EFHC1: variants seen among roughly 807,000 people sequenced by gnomAD.
The protein encoded by EFHC1 is EF-hand domain-containing protein 1.
A neutral mutation model predicts 69.9 loss-of-function variants in EFHC1; 53 were observed. The observed-to-expected ratio is 0.76, with a 90% confidence interval of 0.61 to 0.95. EFHC1 has a LOEUF of 0.95. EFHC1 is among the 40% of genes least tolerant of loss of function. EFHC1 has a pLI of 0.00. For missense variants in EFHC1, 739 were observed against 798.7 expected (o/e 0.93, Z 0.90); for synonymous variants, 256 against 278.4 (o/e 0.92, Z 0.80).
At chr6:52,474,632 T>C (rs931753333) in intron 7 of EFHC1, among the ~76,000 whole-genome samples, 4 of 152,242 alleles carry the variant, frequency 2.6e-5, no homozygotes, top group African/African-American at 9.6e-5. Flanking sequence ...AGTTGTGGTA[T>C]ATTTGTGTCA....
At position 52,454,453 on chromosome 6, in the gene EFHC1, C is replaced by T. The variant is rs614570; in HGVS notation, c.916+166C>T. 0.49 allele frequency among the ~76,000 whole-genome samples: 74,489 copies of T among 151,900 alleles called. 18,836 individuals are homozygous for T. Among genetic ancestry groups the T allele is most frequent in the African/African-American group, 0.61 (25,245 of 41,414 alleles). On this transcript the variant is annotated intron_variant, in intron 5 of 10. Transcript: ENST00000371068. ...CAGCTTTCCTCCTTTACTTGCCCCTCGGTCCAGGCGTGCCCCCAAGACAGT... is the reference window on the plus strand; with the variant it reads ...CAGCTTTCCTCCTTTACTTGCCCCTTGGTCCAGGCGTGCCCCCAAGACAGT...
In EFHC1 at chr6:52,493,780, T is replaced by A. The variant is rs1765974531; in HGVS notation, c.*1439T>A. ...TGGCTTTTTACAAACAGGGCTTCTC[T>A]TTGGTTGAAGTCAGCCACTAAGTTC... On this transcript the variant is annotated 3_prime_UTR_variant, in exon 11 of 11. Transcript: ENST00000371068. 2.2e-6 allele frequency: 1 copy of A among 453,988 alleles called. No homozygotes were observed. 28.1% of individuals were successfully genotyped at this position (453,988 alleles called of 1,614,324 possible).
intron 7 of EFHC1, among the ~76,000 whole-genome samples, chr6:52,476,050 AC>A (rs1353236732): frequency 1.3e-5 from 2 of 152,132 alleles, no homozygotes; most frequent in Non-Finnish European, 2.9e-5. Context: ...TTCATGTAAG[AC>A]CGAGACAGTG....
At chr6:52,447,802 C>T (rs1253287805) in intron 3 of EFHC1, among the ~76,000 whole-genome samples, 3 of 152,240 alleles carry the variant, frequency 2.0e-5, no homozygotes, top group Non-Finnish European at 2.9e-5. Flanking sequence ...TCAGGACCCT[C>T]AGCTGCAGGT....
Position 52,492,748 on chromosome 6 carries a change from G to A in EFHC1, c.*407G>A, listed in dbSNP as rs1217114621. The A allele has an allele frequency of 2.3e-6, 1 of 443,836 alleles. No individual in the cohort carries two copies. Among genetic ancestry groups the A allele is most frequent in the Non-Finnish European group, 4.5e-6 (1 of 222,348 alleles). The allele number at this position is 443,836 out of a possible 1,614,324, so 27.5% of individuals were successfully genotyped here. A position where few individuals can be genotyped will look rare whatever the true frequency, so the allele number is the denominator to read the frequency against. ...TCCCACTTCAACCTCCCCAGTAGCT[G>A]GGACAACAGGCTCAAGCCACCATGC... On this transcript the variant is annotated 3_prime_UTR_variant, in exon 11 of 11. Transcript: ENST00000371068.
chr6:52,461,405 C>A (rs1166209763), intron 5 of EFHC1, among the ~76,000 whole-genome samples: 2 of 152,148 alleles, frequency 1.3e-5, no homozygotes, highest in East Asian at 1.9e-4. Flanking sequence ...TGATCTCATT[C>A]TTTTTTATGG....
intron 4 of EFHC1, 120 bp from the exon 5 acceptor site, chr6:52,453,975 T>C: frequency 6.4e-7 from 1 of 1,573,030 alleles, no homozygotes; most frequent in African/African-American, 1.4e-5. Context: ...TTACCCCATC[T>C]GAAATTACTT....
chr6:52,443,858 A>G (rs1378978390), intron 3 of EFHC1, among the ~76,000 whole-genome samples: 2 of 152,170 alleles, frequency 1.3e-5, no homozygotes, highest in East Asian at 3.8e-4. Flanking sequence ...GATGGCATTG[A>G]GTCTATAAAT....
At chr6:52,490,611 G>A (rs1174300504) in intron 10 of EFHC1, 2 of 590,980 alleles carry the variant, frequency 3.4e-6, no homozygotes, top group Non-Finnish European at 6.0e-6. Context: ...TGTCAGGACT[G>A]AAGAAGGGCA....
chr6:52,421,258 C>T (rs916406450), intron 1 of EFHC1, among the ~76,000 whole-genome samples: 4 of 152,202 alleles, frequency 2.6e-5, no homozygotes, highest in African/African-American at 7.2e-5. Context: ...CTTTCCAGTT[C>T]CCTCAAGAAT....
chr6:52,466,040 A>G (rs904106587), intron 6 of EFHC1, among the ~76,000 whole-genome samples: 1 of 152,028 alleles, frequency 6.6e-6, no homozygotes, highest in Non-Finnish European at 1.5e-5. Flanking sequence ...TTGTAGCATT[A>G]TTTATAAAAA....
In EFHC1 at chr6:52,490,341, G is replaced by T; in HGVS notation, c.1842G>T (p.Leu614Phe). The T allele has an allele frequency of 6.2e-7, 1 of 1,613,360 alleles. No individual in the cohort carries two copies. Among genetic ancestry groups the T allele is most frequent in the Non-Finnish European group, 8.5e-7 (1 of 1,179,354 alleles). Reference protein sequence around the residue: ...ESLNVPVDDSLVKELIRMCSH... With the variant: ...ESLNVPVDDSFVKELIRMCSH... ...TTAACGTCCCAGTGGATGACTCCTT[G>T]GTTAAGGAGGTCAGTATGAATTACT... is the stretch of plus-strand genomic sequence containing the variant. The change falls in exon 10 of 11, where the codon TTG becomes TTT. Residue 614 changes from leucine to phenylalanine, a missense_variant. Transcript: ENST00000371068.
rs571613038 is a variant in EFHC1 at position 52,495,868 on chromosome 6, G to A, written c.*3527G>A. ...CTGAGATCTGACAGCACCAACACAA[G>A]GTATAAAAGAGATTTCATGAAAGAC... is the stretch of plus-strand genomic sequence containing the variant. On this transcript the variant is annotated 3_prime_UTR_variant, in exon 11 of 11. Coordinates refer to ENST00000371068, the MANE Select transcript of EFHC1 (RefSeq NM_018100.4). 317 of 313,848 alleles carry A rather than the reference G, an allele frequency of 1.0e-3. 4 individuals carry two copies. The highest frequency in any genetic ancestry group is 8.8e-3 in the South Asian group (299 of 33,986). The allele number at this position is 313,848 out of a possible 1,614,324, so 19.4% of individuals were successfully genotyped here.
At position 52,468,080 on chromosome 6, in the gene EFHC1, G is replaced by A. The variant is rs186351398; in HGVS notation, c.1138-1253G>A. Among the ~76,000 whole-genome samples, 404 of 152,336 alleles carry A rather than the reference G, an allele frequency of 2.7e-3. 1 individual carries two copies. The highest frequency in any genetic ancestry group is 9.3e-3 in the African/African-American group (386 of 41,568). On this transcript the variant is annotated intron_variant, in intron 6 of 10. Coordinates refer to ENST00000371068, the MANE Select transcript of EFHC1 (RefSeq NM_018100.4). ...GTAAACATAAATGCAATAGCCAGAT[G>A]TGTTTTCTGTCAGGCTGGCTCCATC...
At chr6:52,446,193 C>CT (rs1187424752) in intron 3 of EFHC1, among the ~76,000 whole-genome samples, 1 of 152,172 alleles carries the variant, frequency 6.6e-6, no homozygotes, top group Non-Finnish European at 1.5e-5. Context: ...GTATGGGAGT[C>CT]TAAGTCTCTT....
At chr6:52,428,761 C>G (rs574654728) in intron 2 of EFHC1, among the ~76,000 whole-genome samples, 5 of 152,222 alleles carry the variant, frequency 3.3e-5, no homozygotes, top group African/African-American at 1.2e-4. Flanking sequence ...GGAATCTTCA[C>G]ACTTTTAGTT....
chr6:52,465,807 T>C (rs1198221537), intron 6 of EFHC1, among the ~76,000 whole-genome samples: 1 of 148,708 alleles, frequency 6.7e-6, no homozygotes, highest in African/African-American at 2.4e-5. Context: ...TGAAAGTCTG[T>C]CTCAAAAAAA....
intron 2 of EFHC1, among the ~76,000 whole-genome samples, chr6:52,425,589 ATTTC>A (rs1562442682): frequency 6.6e-6 from 1 of 152,110 alleles, no homozygotes; most frequent in Non-Finnish European, 1.5e-5. Flanking sequence ...TTCATAATTC[ATTTC>A]TTTAAGGATA....
chr6:52,478,921 G>A, intron 7 of EFHC1, 116 bp from the exon 8 acceptor site: 1 of 994,904 alleles, frequency 1.0e-6, no homozygotes, highest in Non-Finnish European at 1.5e-6. Context: ...TGTTTATATT[G>A]TAAAAACCCA....
Sources: gnomAD v4.1 joint callset for allele counts (sites outside exome capture counted in the v4.1 genomes callset) on GRCh38, gnomAD v4.1.1 for gene constraint, MANE v1.5 for transcripts, NCBI Gene and HGNC (gene_info 2026-07-23, HGNC 2026-07-21) for gene names.